The following ADGRA2 variants were observed in gnomAD, a reference collection of about 807,000 sequenced individuals.
ADGRA2 encodes the protein G-protein coupled receptor 124.
A neutral mutation model predicts 98.7 loss-of-function variants in ADGRA2; 61 were observed. That is an observed-to-expected ratio of 0.62 (90% CI 0.50 to 0.76). The LOEUF is 0.76. Among genes scored for constraint, ADGRA2 ranks in the 30% least tolerant of loss-of-function variants. The pLI is 0.00. For missense variants in ADGRA2, 1,712 were observed against 1,860.0 expected (o/e 0.92, Z 1.46); for synonymous variants, 858 against 831.5 (o/e 1.03, Z -0.55).
chr8:37,798,773 A>T (rs1585958476), intron 1 of ADGRA2, among the ~76,000 whole-genome samples: 1 of 152,208 alleles, frequency 6.6e-6, no homozygotes, highest in Admixed American at 6.5e-5. Context: ...TCCTGACAGG[A>T]CACAACTGGT....
intron 1 of ADGRA2, among the ~76,000 whole-genome samples, chr8:37,800,933 C>G (rs900695954): frequency 2.0e-5 from 3 of 152,198 alleles, no homozygotes; most frequent in Non-Finnish European, 4.4e-5. Context: ...CCATCTCCCC[C>G]ACATTCCCAT....
intron 10 of ADGRA2, 57 bp downstream of exon 10, chr8:37,833,894 A>C: frequency 6.2e-7 from 1 of 1,608,018 alleles, no homozygotes. Context: ...TCATTTGCTC[A>C]AGCCTCTCTC....
Position 37,824,338 on chromosome 8 carries a change from T to G in ADGRA2, c.339-4550T>G, listed in dbSNP as rs73594996. Among the ~76,000 whole-genome samples, 220 of 152,084 alleles carry G rather than the reference T, an allele frequency of 1.4e-3. 1 individual carries two copies. The highest frequency in any genetic ancestry group is 5.0e-3 in the African/African-American group (209 of 41,502). On this transcript the variant is annotated intron_variant, in intron 2 of 18. Transcript: ENST00000412232. ...GCCATCATGCCCAGCCTGCCCATTT[T>G]TTTCAACTGGATTATTTGTCTTTTT...
intron 2 of ADGRA2, among the ~76,000 whole-genome samples, chr8:37,823,190 CTTTTT>C (rs34242233): frequency 3.1e-5 from 4 of 130,062 alleles, no homozygotes; most frequent in Non-Finnish European, 4.9e-5. Flanking sequence ...CATGCCCAAC[CTTTTT>C]TTTTTTTTTT....
At chr8:37,839,237 TG>T (rs1320840505) in intron 15 of ADGRA2, among the ~76,000 whole-genome samples, 154 bp downstream of exon 15, 1 of 152,198 alleles carries the variant, frequency 6.6e-6, no homozygotes, top group Non-Finnish European at 1.5e-5. Flanking sequence ...CCTCCCAGCA[TG>T]GGTGCAGGGT....
chr8:37,843,552 A>C lies in ADGRA2; in HGVS notation c.*1197A>C, dbSNP rs1458544466. The C allele has an allele frequency of 2.6e-5, 4 of 152,246 alleles. No homozygotes were observed. Among genetic ancestry groups the C allele is most frequent in the Non-Finnish European group, 5.9e-5 (4 of 68,076 alleles). 9.4% of individuals were successfully genotyped at this position (152,246 alleles called of 1,614,324 possible). Reference sequence around the variant, plus strand: ...AGCATTTCACTACAGGACCAAATGGAAACCGAGGGAACCCTGGGTCTTGGG... The same window carrying C: ...AGCATTTCACTACAGGACCAAATGGCAACCGAGGGAACCCTGGGTCTTGGG... On this transcript the variant is annotated 3_prime_UTR_variant, in exon 19 of 19. Coordinates refer to ENST00000412232, the MANE Select transcript of ADGRA2 (RefSeq NM_032777.10).
At chr8:37,810,672 A>G (rs1413829819) in intron 1 of ADGRA2, among the ~76,000 whole-genome samples, 1 of 152,072 alleles carries the variant, frequency 6.6e-6, no homozygotes, top group East Asian at 1.9e-4. Context: ...CTTTTTAAAA[A>G]ATGTTTTATA....
chr8:37,836,957 C>T (rs1341272649), intron 13 of ADGRA2, among the ~76,000 whole-genome samples: 1 of 152,236 alleles, frequency 6.6e-6, no homozygotes, highest in African/African-American at 2.4e-5. Flanking sequence ...AGCTGGGACA[C>T]ACCTGTGCAC....
intron 1 of ADGRA2, among the ~76,000 whole-genome samples, chr8:37,798,901 G>A (rs765007310): frequency 6.6e-6 from 1 of 152,212 alleles, no homozygotes; most frequent in Non-Finnish European, 1.5e-5. Context: ...CTGCTGCTCA[G>A]GGTAAGGCTG....
At chr8:37,810,013 G>A (rs756767387) in intron 1 of ADGRA2, among the ~76,000 whole-genome samples, 52 of 152,174 alleles carry the variant, frequency 3.4e-4, no homozygotes, top group Non-Finnish European at 5.9e-4. Flanking sequence ...CCCGCAGCTG[G>A]TCTGAATTTA....
chr8:37,843,972 T>A lies in ADGRA2; in HGVS notation c.*1617T>A, dbSNP rs1805897389. 1.3e-5 allele frequency: 2 copies of A among 154,080 alleles called. 1 individual carries two copies. Among genetic ancestry groups the A allele is most frequent in the African/African-American group, 4.8e-5 (2 of 41,468 alleles). 9.5% of individuals were successfully genotyped at this position (154,080 alleles called of 1,614,324 possible). A position where few individuals can be genotyped will look rare whatever the true frequency, so the allele number is the denominator to read the frequency against. On this transcript the variant is annotated 3_prime_UTR_variant, in exon 19 of 19. Coordinates refer to ENST00000412232, the MANE Select transcript of ADGRA2 (RefSeq NM_032777.10). ...TAAAATTTTGCAAAGCCCTTTGAGCTACTGCCTTAGTCTACCCACTGTCCT... is the reference window on the plus strand; with the variant it reads ...TAAAATTTTGCAAAGCCCTTTGAGCAACTGCCTTAGTCTACCCACTGTCCT...
intron 3 of ADGRA2, 130 bp from the exon 4 acceptor site, chr8:37,829,126 CGGCCT>C (rs1805377452): frequency 1.2e-6 from 1 of 814,350 alleles, no homozygotes; most frequent in Admixed American, 2.1e-5. Context: ...AGTCCAGCTG[CGGCCT>C]GGCCCCAACC....
At chr8:37,826,335 G>A (rs1035214931) in intron 2 of ADGRA2, among the ~76,000 whole-genome samples, 1 of 152,064 alleles carries the variant, frequency 6.6e-6, no homozygotes, top group Non-Finnish European at 1.5e-5. Context: ...GCGGCAAAAC[G>A]GTGGGGGCTG....
intron 17 of ADGRA2, 141 bp downstream of exon 17, chr8:37,840,407 C>T: frequency 4.6e-6 from 4 of 867,396 alleles, no homozygotes; most frequent in Non-Finnish European, 7.4e-6. Context: ...GCCCTAGACT[C>T]AGCAGGTCAC....
At position 37,841,491 on chromosome 8, in the gene ADGRA2, C is replaced by T. The variant is rs1290410753; in HGVS notation, c.3153C>T (p.Ser1051=). ...SQRWLPRVVC[S]CLYGVAASAL... is the part of the protein sequence containing the mutation. The stretch of plus-strand genomic sequence containing the variant: ...GCTGGCTGCCCCGGGTGGTGTGCAG[C>T]TGCTTGTACGGGGTGGCAGCCTCCG... Residue 1051 remains serine, a synonymous_variant, in exon 19 of 19, where the codon AGC becomes AGT. Transcript: ENST00000412232. The surrounding 1 kb of genome is among the most constrained non-coding windows in gnomAD (Gnocchi z 5.0). The T allele has an allele frequency of 6.2e-7, 1 of 1,613,070 alleles. No homozygotes were observed. The highest frequency in any genetic ancestry group is 8.5e-7 in the Non-Finnish European group (1 of 1,179,870).
rs756350180 is a variant in ADGRA2 at position 37,844,627 on chromosome 8, CA to C, written c.*2273del. 3.1e-6 allele frequency: 5 copies of C among 1,614,120 alleles called. No individual in the cohort carries two copies. In the South Asian group the frequency reaches 4.4e-5, roughly 14 times the overall value. ...TTCTCATCTCCAGTGACAGTGGAGA[CA>C]GGGGGTACAGGGCAGATCCGCTTCG... On this transcript the variant is annotated 3_prime_UTR_variant, in exon 19 of 19. Transcript: ENST00000412232.
chr8:37,805,862 C>T (rs1316132928), intron 1 of ADGRA2, among the ~76,000 whole-genome samples: 2 of 151,966 alleles, frequency 1.3e-5, no homozygotes, highest in Admixed American at 6.6e-5. Flanking sequence ...GAGTGAGACT[C>T]CTTCTCAAAC....
At position 37,814,974 on chromosome 8, in the gene ADGRA2, G is replaced by A; in HGVS notation, c.338+7G>A. 1 of 1,602,480 alleles carries A rather than the reference G, an allele frequency of 6.2e-7. No individual in the cohort carries two copies. The highest frequency in any genetic ancestry group is 8.6e-7 in the Non-Finnish European group (1 of 1,169,378). ...TGTCACTGCTGGAGAAGCTGTAAGTGCTGGGGAAGGTGAGGTGGAGGAGGG... is the reference window on the plus strand; with the variant it reads ...TGTCACTGCTGGAGAAGCTGTAAGTACTGGGGAAGGTGAGGTGGAGGAGGG... On this transcript the variant is annotated splice_region_variant and intron_variant, in intron 2 of 18. Transcript: ENST00000412232. The surrounding 1 kb of genome is among the most constrained non-coding windows in gnomAD (Gnocchi z 4.3).
chr8:37,824,622 T>G (rs56247622), intron 2 of ADGRA2, among the ~76,000 whole-genome samples: 23,036 of 151,372 alleles, frequency 0.15, 2,136 homozygotes, highest in Middle Eastern at 0.36. Flanking sequence ...GCCTCCTGAA[T>G]AGCTGAGATT....
Sources: gnomAD v4.1 joint callset for allele counts (sites outside exome capture counted in the v4.1 genomes callset) on GRCh38, gnomAD v4.1.1 for gene constraint, Gnocchi (gnomAD v3.1) non-coding constraint, MANE v1.5 for transcripts, NCBI Gene and HGNC (gene_info 2026-07-23, HGNC 2026-07-21) for gene names.